The following AGK variants were observed in gnomAD, a reference collection of about 807,000 sequenced individuals.
AGK encodes the protein acylglycerol kinase, mitochondrial.
Under a neutral mutation model 66.4 loss-of-function variants are expected in AGK, and 52 were observed. That is an observed-to-expected ratio of 0.78 (90% CI 0.63 to 0.99). The LOEUF (loss-of-function observed/expected upper bound fraction) is 0.99, where lower values mean the gene tolerates loss of function less well. AGK is among the 50% of genes least tolerant of loss of function. The pLI, the probability that AGK is intolerant of heterozygous loss-of-function variation, is 0.00. For missense variants in AGK, 451 were observed against 506.6 expected, an observed-to-expected ratio of 0.89 and a Z score of 1.05; for synonymous variants, 182 against 181.1, an observed-to-expected ratio of 1.00 and a Z score of -0.04.
intron 4 of AGK, among the ~76,000 whole-genome samples, chr7:141,599,677 A>G (rs563780124): frequency 6.6e-6 from 1 of 152,304 alleles, no homozygotes; most frequent in East Asian, 1.9e-4. Context: ...CTATCAATCT[A>G]GTAATGAAAG....
chr7:141,637,110 C>CATTCATCTGTAGCA, intron 11 of AGK, 93 bp downstream of exon 11: 4 of 995,672 alleles, frequency 4.0e-6, no homozygotes, highest in Non-Finnish European at 6.1e-6. Flanking sequence ...TTCCTTGCTA[C>CATTCATCTGTAGCA]AGATGAATGT....
rs562072269 is a variant in AGK, at chr7:141,569,464, G to A, written c.101+13897G>A. Among the ~76,000 whole-genome samples the A allele has an allele frequency of 1.2e-4, 19 of 152,258 alleles. No individual in the cohort carries two copies. The East Asian group carries it at 2.9e-3, about 23-fold the overall frequency. On this transcript the variant is annotated intron_variant, in intron 2 of 15. Transcript: ENST00000649286. ...CAGGAGAATTGTTTGAACCCGGGAG[G>A]TGGAGGCTACAGTGAGCTGAGATCA... is the stretch of plus-strand genomic sequence containing the variant.
Position 141,623,184 on chromosome 7 carries a change from G to A in AGK, c.588+1383G>A, listed in dbSNP as rs977962332. On this transcript the variant is annotated intron_variant, in intron 9 of 15. Coordinates refer to ENST00000649286, the MANE Select transcript of AGK (RefSeq NM_018238.4). ...CACTTGACGTTGGGAGTTTGAGACCGGCCTGACCAACATGGAGAAACCCCA... is the reference window on the plus strand; with the variant it reads ...CACTTGACGTTGGGAGTTTGAGACCAGCCTGACCAACATGGAGAAACCCCA... Among the ~76,000 whole-genome samples the A allele has an allele frequency of 5.9e-5, 9 of 151,808 alleles. No homozygotes were observed. In the East Asian group the frequency reaches 1.4e-3, roughly 23 times the overall value.
At chr7:141,652,637 GA>G in intron 15 of AGK, 149 bp from the exon 16 acceptor site, 3 of 745,736 alleles carry the variant, frequency 4.0e-6, no homozygotes, top group Non-Finnish European at 6.5e-6. Context: ...AGTAGGCACT[GA>G]ATTTTTTTTT....
chr7:141,586,883 G>A (rs1022861790), intron 2 of AGK, among the ~76,000 whole-genome samples: 1 of 151,930 alleles, frequency 6.6e-6, no homozygotes, highest in Admixed American at 6.6e-5. Context: ...CCATGATCAG[G>A]GTATCTCTTC....
At chr7:141,594,118 T>C (rs1587105139) in intron 3 of AGK, 1 of 152,262 alleles carries the variant, frequency 6.6e-6, no homozygotes, top group East Asian at 1.9e-4. Flanking sequence ...ATTACTTCTT[T>C]GTTTAAATGT....
chr7:141,633,265 A>G (rs375008717), intron 9 of AGK, among the ~76,000 whole-genome samples: 1 of 152,174 alleles, frequency 6.6e-6, no homozygotes, highest in Non-Finnish European at 1.5e-5. Flanking sequence ...TTTTTAAGGA[A>G]GGTTCAGGGT....
At chr7:141,629,488 C>T (rs1797009282) in intron 9 of AGK, among the ~76,000 whole-genome samples, 2 of 152,202 alleles carry the variant, frequency 1.3e-5, no homozygotes, top group Admixed American at 1.3e-4. Context: ...CTATTATTGG[C>T]TTCTACTTTG....
At chr7:141,643,113 T>G (rs1433855387) in intron 13 of AGK, among the ~76,000 whole-genome samples, 1 of 152,204 alleles carries the variant, frequency 6.6e-6, no homozygotes, top group African/African-American at 2.4e-5. Flanking sequence ...TAAGTTTGAT[T>G]CTAATATTAA....
At chr7:141,637,339 A>G (rs144988455) in intron 11 of AGK, among the ~76,000 whole-genome samples, 5 of 152,188 alleles carry the variant, frequency 3.3e-5, no homozygotes, top group African/African-American at 1.2e-4. Context: ...CGATTATTTT[A>G]TGCTTGTCTA....
chr7:141,629,535 G>A (rs1220153075), intron 9 of AGK, among the ~76,000 whole-genome samples: 2 of 152,070 alleles, frequency 1.3e-5, no homozygotes, highest in African/African-American at 2.4e-5. Flanking sequence ...GTGTTCATGT[G>A]TACCCCAACA....
chr7:141,601,198 T>A lies in AGK; in HGVS notation c.222-7T>A, dbSNP rs1796332999. On this transcript the variant is annotated splice_polypyrimidine_tract_variant and splice_region_variant and intron_variant, in intron 4 of 15. Transcript: ENST00000649286. ...TAAAATGTTTATATTTTTTCCTTTG[T>A]TAACAGAAAAGCCAGGACTCTATTT... 1.9e-6 allele frequency: 3 copies of A among 1,605,386 alleles called. No homozygotes were observed. Among genetic ancestry groups the A allele is most frequent in the East Asian group, 4.5e-5 (2 of 44,782 alleles).
intron 2 of AGK, among the ~76,000 whole-genome samples, chr7:141,587,492 C>G (rs1204471953): frequency 6.6e-6 from 1 of 152,182 alleles, no homozygotes; most frequent in East Asian, 1.9e-4. Flanking sequence ...CCTTGGTGAC[C>G]TGGCCTTTAC....
At chr7:141,572,779 T>C (rs1383945016) in intron 2 of AGK, among the ~76,000 whole-genome samples, 1 of 152,028 alleles carries the variant, frequency 6.6e-6, no homozygotes, top group African/African-American at 2.4e-5. Context: ...TTAGATACGT[T>C]GAGTTTGAAA....
chr7:141,592,573 G>A (rs753178581), intron 2 of AGK, among the ~76,000 whole-genome samples: 2 of 152,088 alleles, frequency 1.3e-5, no homozygotes, highest in Non-Finnish European at 1.5e-5. Flanking sequence ...CTGAGGATTC[G>A]GATGTGGAAA....
At chr7:141,565,704 A>G (rs1795453274) in intron 2 of AGK, among the ~76,000 whole-genome samples, 1 of 151,532 alleles carries the variant, frequency 6.6e-6, no homozygotes, top group African/African-American at 2.4e-5. Flanking sequence ...CATTCCCTGC[A>G]TCCAGGTCAT....
intron 2 of AGK, among the ~76,000 whole-genome samples, chr7:141,567,494 GA>G (rs558113470): frequency 6.6e-6 from 1 of 151,038 alleles, no homozygotes; most frequent in Non-Finnish European, 1.5e-5. Context: ...AAGTTTCAAA[GA>G]AAAAAAAGTC....
At chr7:141,572,845 A>C (rs934565300) in intron 2 of AGK, among the ~76,000 whole-genome samples, 4 of 152,176 alleles carry the variant, frequency 2.6e-5, no homozygotes, top group African/African-American at 9.7e-5. Flanking sequence ...AATTATGCAT[A>C]AGCCACACTT....
At chr7:141,634,436 C>G (rs1273915220) in intron 10 of AGK, among the ~76,000 whole-genome samples, 1 of 152,178 alleles carries the variant, frequency 6.6e-6, no homozygotes, top group Non-Finnish European at 1.5e-5. Flanking sequence ...CCACAGGCCG[C>G]TGCTCTTAGA....
Sources: allele counts gnomAD v4.1 joint callset (sites outside exome capture counted in the v4.1 genomes callset), GRCh38; gene constraint gnomAD v4.1.1; transcripts MANE v1.5; gene names NCBI Gene and HGNC (gene_info 2026-07-23, HGNC 2026-07-21).